RBFOX1: variants seen among roughly 807,000 people sequenced by gnomAD.
The protein encoded by RBFOX1 is RNA binding protein fox-1 homolog 1.
A neutral mutation model predicts 57.7 loss-of-function variants in RBFOX1; 8 were observed. That is an observed-to-expected ratio of 0.14 (90% CI 0.08 to 0.25). RBFOX1 has a LOEUF of 0.25. Among genes scored for constraint, RBFOX1 ranks in the 10% least tolerant of loss-of-function variants. The pLI is 1.00. For synonymous variants in RBFOX1, 326 were observed against 222.4 expected (o/e 1.47, Z -4.15); for missense variants, 611 against 548.5 (o/e 1.11, Z -1.14).
chr16:7,689,523 A>G (rs996328971), intron 14 of RBFOX1, among the ~76,000 whole-genome samples: 3 of 152,066 alleles, frequency 2.0e-5, no homozygotes, highest in Admixed American at 1.3e-4. Flanking sequence ...TGTATAGATT[A>G]CCAGACCTCT....
At chr16:7,224,352 A>T (rs1189704109) in intron 4 of RBFOX1, among the ~76,000 whole-genome samples, 1 of 152,148 alleles carries the variant, frequency 6.6e-6, no homozygotes. Flanking sequence ...ACCAAAAGCC[A>T]TTTTCAGTCC....
intron 1 of RBFOX1, among the ~76,000 whole-genome samples, chr16:6,198,365 C>T (rs572516255): frequency 6.6e-6 from 1 of 152,180 alleles, no homozygotes; most frequent in Non-Finnish European, 1.5e-5. Flanking sequence ...GGAATGCTCT[C>T]TAAACATAAT....
chr16:5,440,461 C>G (rs914712877), intron 1 of RBFOX1, among the ~76,000 whole-genome samples: 1 of 152,108 alleles, frequency 6.6e-6, no homozygotes, highest in East Asian at 1.9e-4. Context: ...AGCCTCAGCC[C>G]AAAAGGACTA....
intron 4 of RBFOX1, among the ~76,000 whole-genome samples, chr16:7,074,792 A>T (rs931657026): frequency 3.9e-5 from 6 of 152,226 alleles, no homozygotes; most frequent in African/African-American, 9.6e-5. Context: ...AATGCTTAAA[A>T]CCAAAGATAA....
chr16:6,536,717 C>G (rs1046340665), intron 2 of RBFOX1, among the ~76,000 whole-genome samples: 1 of 151,974 alleles, frequency 6.6e-6, no homozygotes, highest in Admixed American at 6.6e-5. Flanking sequence ...TTAGACCCAA[C>G]AAGTCAAGAT....
At chr16:7,502,378 A>C (rs1224285638) in intron 4 of RBFOX1, among the ~76,000 whole-genome samples, 1 of 152,216 alleles carries the variant, frequency 6.6e-6, no homozygotes, top group South Asian at 2.1e-4. Flanking sequence ...AAATCGAATA[A>C]TTAAAAATAC....
Position 7,089,711 on chromosome 16 carries a change from A to C in RBFOX1, c.27+37613A>C, listed in dbSNP as rs985194404. 2.0e-5 allele frequency among the ~76,000 whole-genome samples: 3 copies of C among 152,166 alleles called. No individual in the cohort carries two copies. The South Asian group carries it at 6.2e-4, about 32-fold the overall frequency. ...CCAGACCCCCTTCCACATCCGAAAAACTTGCTGATTTGTTTCCTAGTAATT... is the reference window on the plus strand; with the variant it reads ...CCAGACCCCCTTCCACATCCGAAAACCTTGCTGATTTGTTTCCTAGTAATT... On this transcript the variant is annotated intron_variant, in intron 4 of 15. Coordinates refer to ENST00000550418, the MANE Select transcript of RBFOX1 (RefSeq NM_018723.4).
intron 3 of RBFOX1, among the ~76,000 whole-genome samples, chr16:6,909,155 G>A (rs188530216): frequency 6.6e-6 from 1 of 152,310 alleles, no homozygotes; most frequent in Admixed American, 6.5e-5. Context: ...AACGTCAACA[G>A]TGTTGCATTT....
chr16:5,402,654 G>A (rs1343196710), intron 1 of RBFOX1, among the ~76,000 whole-genome samples: 1 of 152,084 alleles, frequency 6.6e-6, no homozygotes, highest in Non-Finnish European at 1.5e-5. Flanking sequence ...CTTGCTTCCC[G>A]TGGTTGTGTC....
rs114270186 is a variant in RBFOX1, at chr16:6,911,700, T to C, written c.-15-140357T>C. Among the ~76,000 whole-genome samples the C allele has an allele frequency of 2.3e-3, 348 of 152,352 alleles. 2 individuals carry two copies. The highest frequency in any genetic ancestry group is 8.0e-3 in the African/African-American group (331 of 41,578). Reference sequence around the variant, plus strand: ...TCCATAGCAGACAGGCAATTCTTTTTACCTGCTATTTAATAACACTTTTAT... The same window carrying C: ...TCCATAGCAGACAGGCAATTCTTTTCACCTGCTATTTAATAACACTTTTAT... On this transcript the variant is annotated intron_variant, in intron 3 of 15. Coordinates refer to ENST00000550418, the MANE Select transcript of RBFOX1 (RefSeq NM_018723.4).
intron 2 of RBFOX1, among the ~76,000 whole-genome samples, chr16:5,480,199 G>A (rs1411663615): frequency 6.6e-6 from 1 of 152,158 alleles, no homozygotes; most frequent in Non-Finnish European, 1.5e-5. Context: ...AGAAATCCCT[G>A]CTGTGCTCTG....
rs1567747539 is a variant in RBFOX1 at position 6,892,775 on chromosome 16, C to CTCTCTCTCTCTCT, written c.-15-159282_-15-159281insTCTCTCTCTCTCT. ...CATATTCTCAAAGCCTCCCTGTCTC[C>CTCTCTCTCTCTCT]CTCTCTCTCTCTCTCTCTCTCTCTC... is the stretch of plus-strand genomic sequence containing the variant. On this transcript the variant is annotated intron_variant, in intron 3 of 15. Coordinates refer to ENST00000550418, the MANE Select transcript of RBFOX1 (RefSeq NM_018723.4). Among the ~76,000 whole-genome samples, 23 of 84,734 alleles carry CTCTCTCTCTCTCT rather than the reference C, an allele frequency of 2.7e-4. 4 individuals are homozygous for CTCTCTCTCTCTCT. The highest frequency in any genetic ancestry group is 1.1e-3 in the East Asian group (3 of 2,746). The allele number at this position is 84,734 out of a possible 152,430, so 55.6% of individuals were successfully genotyped here. A position where few individuals can be genotyped will look rare whatever the true frequency, so the allele number is the denominator to read the frequency against.
chr16:7,356,244 G>A (rs1389772381), intron 4 of RBFOX1, among the ~76,000 whole-genome samples: 2 of 152,170 alleles, frequency 1.3e-5, no homozygotes, highest in African/African-American at 4.8e-5. Context: ...CTGTTTTACG[G>A]GACTTAGATT....
At chr16:6,422,607 G>T (rs2093807025) in intron 2 of RBFOX1, among the ~76,000 whole-genome samples, 1 of 152,134 alleles carries the variant, frequency 6.6e-6, no homozygotes. Context: ...TTCCAATCAT[G>T]GCAGAAGACA....
chr16:7,187,415 C>T (rs544683341), intron 4 of RBFOX1, among the ~76,000 whole-genome samples: 4 of 152,060 alleles, frequency 2.6e-5, no homozygotes, highest in South Asian at 2.1e-4. Flanking sequence ...CTTGGCCAGG[C>T]ACGGTGGCTC....
intron 3 of RBFOX1, among the ~76,000 whole-genome samples, chr16:6,827,851 T>C (rs561621441): frequency 6.6e-6 from 1 of 152,306 alleles, no homozygotes; most frequent in South Asian, 2.1e-4. Flanking sequence ...GTCCTTCTGT[T>C]CCCCCTCTTA....
intron 4 of RBFOX1, among the ~76,000 whole-genome samples, chr16:5,940,350 A>C (rs982522625): frequency 9.9e-5 from 15 of 152,162 alleles, no homozygotes; most frequent in African/African-American, 3.4e-4. Context: ...TTTTCCAGGC[A>C]TGCCCTAAGA....
At chr16:6,145,242 C>A (rs1358231499) in intron 1 of RBFOX1, among the ~76,000 whole-genome samples, 2 of 152,032 alleles carry the variant, frequency 1.3e-5, no homozygotes, top group East Asian at 1.9e-4. Context: ...TGTGTCCATG[C>A]ATTCTCATCA....
At chr16:5,984,426 G>A (rs533418044) in intron 4 of RBFOX1, among the ~76,000 whole-genome samples, 7 of 151,610 alleles carry the variant, frequency 4.6e-5, no homozygotes, top group Non-Finnish European at 8.8e-5. Context: ...GAAGAGGAAC[G>A]CATCAATTAA....
Sources: allele counts gnomAD v4.1 joint callset (sites outside exome capture counted in the v4.1 genomes callset), GRCh38; gene constraint gnomAD v4.1.1; transcripts MANE v1.5; gene names NCBI Gene and HGNC (gene_info 2026-07-23, HGNC 2026-07-21).